Variants in MEF2A observed in about 807,000 individuals in gnomAD.
MEF2A encodes myocyte-specific enhancer factor 2A.
MEF2A carries 28 observed loss-of-function variants against 55.8 expected under a neutral mutation model. That is an observed-to-expected ratio of 0.50 (90% CI 0.37 to 0.69). The LOEUF is 0.69. Among genes scored for constraint, MEF2A ranks in the 30% least tolerant of loss-of-function variants. The pLI is 0.00. For missense variants in MEF2A, 528 were observed against 626.2 expected (o/e 0.84, Z 1.67); for synonymous variants, 239 against 227.1 (o/e 1.05, Z -0.47).
At chr15:99,695,915 CAT>C (rs2056407187) in intron 8 of MEF2A, among the ~76,000 whole-genome samples, 1 of 150,182 alleles carries the variant, frequency 6.7e-6, no homozygotes, top group Non-Finnish European at 1.5e-5. Context: ...AATATAAAGA[CAT>C]AGATAAAAGA....
intron 4 of MEF2A, among the ~76,000 whole-genome samples, chr15:99,662,957 G>A (rs757027855): frequency 1.6e-4 from 24 of 152,146 alleles, no homozygotes; most frequent in Non-Finnish European, 1.5e-4. Context: ...AACTCCTCAT[G>A]CATTTAAAAA....
chr15:99,712,274 T>G lies in MEF2A; in HGVS notation c.1137-116T>G. ...ACGACCCAAACCAGTCTTGGGGAAC[T>G]CTGATAAGATTTCAGACTCTGGGCC... On this transcript the variant is annotated intron_variant, in intron 11 of 11. Coordinates refer to ENST00000557942, the MANE Select transcript of MEF2A (RefSeq NM_001319206.4). This position sits in a 1 kb window ranked among gnomAD's most constrained non-coding sequence, Gnocchi z 4.1. The G allele has an allele frequency of 7.0e-7, 1 of 1,431,244 alleles. No individual in the cohort carries two copies. Among genetic ancestry groups the G allele is most frequent in the Non-Finnish European group, 9.1e-7 (1 of 1,095,056 alleles). 88.7% of individuals were successfully genotyped at this position (1,431,244 alleles called of 1,614,324 possible).
chr15:99,707,414 C>A (rs561756987), intron 10 of MEF2A, among the ~76,000 whole-genome samples: 1 of 152,212 alleles, frequency 6.6e-6, no homozygotes, highest in South Asian at 2.1e-4. Context: ...GATTTCTCCT[C>A]GGAGCCAGTC....
At chr15:99,659,764 G>A (rs2048333799) in intron 4 of MEF2A, among the ~76,000 whole-genome samples, 1 of 152,116 alleles carries the variant, frequency 6.6e-6, no homozygotes, top group Non-Finnish European at 1.5e-5. Flanking sequence ...GTACCATTTA[G>A]TTTTCCGTTC....
intron 1 of MEF2A, among the ~76,000 whole-genome samples, chr15:99,572,019 T>G (rs1451644677): frequency 7.2e-5 from 11 of 151,760 alleles, no homozygotes; most frequent in Non-Finnish European, 1.5e-4. Context: ...AGAAGTTTTT[T>G]TTTTTTTTTT....
intron 1 of MEF2A, chr15:99,566,646 G>A (rs1959670355): frequency 6.6e-6 from 1 of 152,382 alleles, no homozygotes; most frequent in South Asian, 2.1e-4. Flanking sequence ...CCAAGCCCGG[G>A]GGTCTCCCCG....
intron 4 of MEF2A, among the ~76,000 whole-genome samples, chr15:99,653,266 C>G (rs2047146892): frequency 6.6e-6 from 1 of 152,134 alleles, no homozygotes; most frequent in Admixed American, 6.6e-5. Flanking sequence ...AAACCTGGCA[C>G]TTCAAACACA....
intron 8 of MEF2A, among the ~76,000 whole-genome samples, chr15:99,701,969 TAGG>T (rs768428601): frequency 2.0e-4 from 30 of 152,360 alleles, no homozygotes; most frequent in Admixed American, 2.0e-4. Context: ...GTCTGATTGT[TAGG>T]AGAGCATGAA....
At chr15:99,565,613 G>C (rs1176367088), upstream of MEF2A, 1 of 152,304 alleles carries the variant, frequency 6.6e-6, no homozygotes, top group South Asian at 2.1e-4. Flanking sequence ...TCAGAGGAAA[G>C]CGAGCTCCAA....
chr15:99,613,910 AC>A (rs2039737102), intron 2 of MEF2A, among the ~76,000 whole-genome samples: 1 of 152,104 alleles, frequency 6.6e-6, no homozygotes, highest in Non-Finnish European at 1.5e-5. Context: ...AGTACCATAA[AC>A]TCATGAAATT....
At chr15:99,571,256 G>A (rs1234063773) in intron 1 of MEF2A, among the ~76,000 whole-genome samples, 1 of 151,666 alleles carries the variant, frequency 6.6e-6, no homozygotes, top group African/African-American at 2.4e-5. Context: ...TTCTTACTGT[G>A]TTCTTATTTA....
chr15:99,713,063 T>G lies in MEF2A; in HGVS notation c.*292T>G, dbSNP rs1567524670. On this transcript the variant is annotated 3_prime_UTR_variant, in exon 12 of 12. Coordinates refer to ENST00000557942, the MANE Select transcript of MEF2A (RefSeq NM_001319206.4). ...GCACTTCCTTGGACTACTTGTTTCG[T>G]AAAGATAACCAGTTTTTGCAGAGAA... is the stretch of plus-strand genomic sequence containing the variant. 2.1e-6 allele frequency: 1 copy of G among 472,496 alleles called. No individual in the cohort carries two copies. Among genetic ancestry groups the G allele is most frequent in the South Asian group, 5.3e-5 (1 of 18,692 alleles). 29.3% of individuals were successfully genotyped at this position (472,496 alleles called of 1,614,324 possible).
intron 7 of MEF2A, among the ~76,000 whole-genome samples, chr15:99,676,358 T>C (rs2052029722): frequency 6.6e-6 from 1 of 152,124 alleles, no homozygotes; most frequent in Non-Finnish European, 1.5e-5. Flanking sequence ...GCTCTTGTTT[T>C]AGTTGTTTGT....
chr15:99,632,837 C>T, intron 2 of MEF2A, 141 bp from the exon 3 acceptor site: 3 of 273,672 alleles, frequency 1.1e-5, no homozygotes, highest in Non-Finnish European at 2.1e-5. Flanking sequence ...AAGACTTCAA[C>T]TTATTTACTA....
intron 7 of MEF2A, among the ~76,000 whole-genome samples, chr15:99,681,053 T>C (rs1031278361): frequency 2.6e-5 from 4 of 152,200 alleles, no homozygotes; most frequent in Non-Finnish European, 5.9e-5. Context: ...GTTTATACTA[T>C]AGTTCAAATG....
intron 3 of MEF2A, among the ~76,000 whole-genome samples, chr15:99,638,821 T>C (rs1010359824): frequency 3.9e-5 from 6 of 152,188 alleles, no homozygotes; most frequent in Admixed American, 3.9e-4. Flanking sequence ...GATGCAGTCT[T>C]TTGACATGTC....
chr15:99,693,146 A>G (rs1349242823), intron 8 of MEF2A, among the ~76,000 whole-genome samples: 1 of 152,228 alleles, frequency 6.6e-6, no homozygotes, highest in Non-Finnish European at 1.5e-5. Flanking sequence ...TAATGAAATT[A>G]ACTCGATTCT....
chr15:99,614,466 G>C (rs564968026), intron 2 of MEF2A, among the ~76,000 whole-genome samples: 2 of 152,296 alleles, frequency 1.3e-5, no homozygotes, highest in South Asian at 4.1e-4. Flanking sequence ...CTCATACTTT[G>C]ACTTTTGCTT....
At position 99,633,099 on chromosome 15, in the gene MEF2A, A is replaced by G. The variant is rs2043189865; in HGVS notation, c.-21A>G. 1 of 1,593,998 alleles carries G rather than the reference A, an allele frequency of 6.3e-7. No individual in the cohort carries two copies. Among genetic ancestry groups the G allele is most frequent in the East Asian group, 2.3e-5 (1 of 43,874 alleles). ...GAATTAAATATTTGGAATATAAGGA[A>G]ATAAGGAAAGTTGACTGAAAATGGG... is the stretch of plus-strand genomic sequence containing the variant. On this transcript the variant is annotated 5_prime_UTR_variant, in exon 3 of 12. Coordinates refer to ENST00000557942, the MANE Select transcript of MEF2A (RefSeq NM_001319206.4).
Sources: allele counts gnomAD v4.1 joint callset (sites outside exome capture counted in the v4.1 genomes callset), GRCh38; gene constraint gnomAD v4.1.1; non-coding constraint Gnocchi (gnomAD v3.1); transcripts MANE v1.5; gene names NCBI Gene and HGNC (gene_info 2026-07-23, HGNC 2026-07-21).